ABTB2: variants seen among roughly 807,000 people sequenced by gnomAD.
The protein encoded by ABTB2 is ankyrin repeat and BTB domain containing 2, also known as ankyrin repeat and BTB/POZ domain-containing protein 2.
In ABTB2, 56 loss-of-function variants were observed where a neutral mutation model predicts 104.1. That is an observed-to-expected ratio of 0.54 (90% CI 0.43 to 0.67). The LOEUF (loss-of-function observed/expected upper bound fraction) is 0.67, where lower values mean the gene tolerates loss of function less well. Ranked by LOEUF, ABTB2 falls within the 30% of genes least tolerant of loss-of-function variation. ABTB2 has a pLI of 0.00. For synonymous variants in ABTB2, 606 were observed against 608.2 expected, an observed-to-expected ratio of 1.00 and a Z score of 0.05; for missense variants, 1,279 against 1,407.7, an observed-to-expected ratio of 0.91 and a Z score of 1.46.
intron 1 of ABTB2, among the ~76,000 whole-genome samples, chr11:34,261,914 G>T (rs1658222697): frequency 6.6e-6 from 1 of 152,148 alleles, no homozygotes; most frequent in African/African-American, 2.4e-5. Context: ...TGCAGCTTGT[G>T]GCTGCCAGCA....
intron 1 of ABTB2, among the ~76,000 whole-genome samples, chr11:34,219,900 G>A (rs540361956): frequency 3.0e-4 from 46 of 152,330 alleles, no homozygotes; most frequent in African/African-American, 9.6e-4. Context: ...CTGAAAAGAG[G>A]ACTTTTGCTA....
At chr11:34,212,924 G>C (rs886359903) in intron 1 of ABTB2, among the ~76,000 whole-genome samples, 2 of 152,162 alleles carry the variant, frequency 1.3e-5, no homozygotes, top group Non-Finnish European at 2.9e-5. Flanking sequence ...GAACCCAGGG[G>C]GAGATAAAAG....
chr11:34,260,697 T>C (rs1854178378), intron 1 of ABTB2, among the ~76,000 whole-genome samples: 1 of 152,206 alleles, frequency 6.6e-6, no homozygotes, highest in African/African-American at 2.4e-5. Context: ...ATCCAATCGG[T>C]ACCCCTCATT....
intron 1 of ABTB2, among the ~76,000 whole-genome samples, chr11:34,213,216 G>A (rs1308005106): frequency 1.3e-5 from 2 of 152,178 alleles, no homozygotes; most frequent in African/African-American, 2.4e-5. Context: ...AGTGGCTCAC[G>A]CCTGTAATCC....
chr11:34,340,318 C>T (rs552701244), intron 1 of ABTB2, among the ~76,000 whole-genome samples: 1 of 152,328 alleles, frequency 6.6e-6, no homozygotes, highest in Admixed American at 6.5e-5. Flanking sequence ...GTAGCTCATA[C>T]CTGGTGGCTG....
At chr11:34,164,131 G>GC (rs1554980065) in intron 9 of ABTB2, among the ~76,000 whole-genome samples, 2 of 149,736 alleles carry the variant, frequency 1.3e-5, no homozygotes, top group South Asian at 2.1e-4. Flanking sequence ...TTCCAGCCCC[G>GC]TTTCTGCCCT....
rs144799918 is a variant in ABTB2, at chr11:34,204,551, C to T, written c.1023G>A (p.Ser341=). ...SLLATCVGSI[S]ELSDLVSRAM... ...CACTGAGGCCACACTTACTCAGCTC[C>T]GAGATGCTGCCCACGCAGGTGGCCA... The change falls in exon 2 of 17, where the codon TCG becomes TCA. Residue 341 remains serine (S), a synonymous_variant. Coordinates refer to ENST00000435224, the MANE Select transcript of ABTB2 (RefSeq NM_145804.3). The T allele has an allele frequency of 2.4e-5, 38 of 1,609,172 alleles. No individual in the cohort carries two copies. The highest frequency in any genetic ancestry group is 1.3e-4 in the East Asian group (6 of 44,820).
rs766310209 is a variant in ABTB2 at position 34,197,369 on chromosome 11, C to T, written c.1200G>A (p.Glu400=). 8 of 1,613,828 alleles carry T rather than the reference C, an allele frequency of 5.0e-6. No individual in the cohort carries two copies. The highest frequency in any genetic ancestry group is 1.3e-5 in the African/African-American group (1 of 74,908). Residue 400 remains glutamate (E), a synonymous_variant, in exon 3 of 17, where the codon GAG becomes GAA. Transcript: ENST00000435224. ...TTCTCGGGGGGTCCAGGTTGGGGTT[C>T]TCCATGGACTCCATCTGTGGACACC... ...FLRCPQMESM[E]NPNLDPPRMT... is the part of the protein sequence containing the mutation.
chr11:34,300,296 C>T (rs961299938), intron 1 of ABTB2, among the ~76,000 whole-genome samples: 6 of 152,196 alleles, frequency 3.9e-5, no homozygotes, highest in Admixed American at 1.3e-4. Flanking sequence ...ATTTCCAAAG[C>T]CATGATCAGA....
intron 10 of ABTB2, among the ~76,000 whole-genome samples, chr11:34,162,291 G>A (rs1852731594): frequency 1.3e-5 from 2 of 152,238 alleles, no homozygotes; most frequent in Non-Finnish European, 2.9e-5. Context: ...TGGGGAGGGG[G>A]CAGCGAAGCT....
At chr11:34,163,701 C>T (rs1228151058) in intron 9 of ABTB2, among the ~76,000 whole-genome samples, 3 of 152,350 alleles carry the variant, frequency 2.0e-5, no homozygotes, top group Admixed American at 1.3e-4. Context: ...CAAGGTCCCT[C>T]CCAAGGGCTC....
intron 3 of ABTB2, among the ~76,000 whole-genome samples, chr11:34,195,084 GGA>G (rs57816793): frequency 0.022 from 2,025 of 91,578 alleles, 215 homozygotes; most frequent in African/African-American, 0.067. Context: ...GCGGGGGGGG[GGA>G]GTGGGGGCGG....
intron 1 of ABTB2, among the ~76,000 whole-genome samples, chr11:34,354,833 A>C (rs933250767): frequency 7.9e-5 from 12 of 152,158 alleles, no homozygotes; most frequent in Non-Finnish European, 1.2e-4. Flanking sequence ...TTCTCCTAGG[A>C]GCCTGCCTTT....
Position 34,357,627 on chromosome 11 carries a change from C to T in ABTB2, c.-44G>A, listed in dbSNP as rs1304843259. On this transcript the variant is annotated 5_prime_UTR_variant, in exon 1 of 17. The change creates a new upstream start codon in the 5' untranslated region. Transcript: ENST00000435224. Reference sequence around the variant, plus strand: ...GGCGTCGCCGAGCGAGGGGCACTCACAACTCCATGCCCTCTTTCCCAAGTG... The same window carrying T: ...GGCGTCGCCGAGCGAGGGGCACTCATAACTCCATGCCCTCTTTCCCAAGTG... 2.7e-6 allele frequency: 4 copies of T among 1,472,758 alleles called. 1 individual carries two copies. Among genetic ancestry groups the T allele is most frequent in the South Asian group, 2.7e-5 (2 of 74,846 alleles). The allele number at this position is 1,472,758 out of a possible 1,614,324, so 91.2% of individuals were successfully genotyped here.
intron 2 of ABTB2, 151 bp from the exon 3 acceptor site, chr11:34,197,689 G>A: frequency 1.6e-6 from 1 of 614,038 alleles, no homozygotes; most frequent in South Asian, 2.0e-5. Context: ...AACAGGCGGA[G>A]GTGGAAACTG....
At chr11:34,207,928 C>T (rs1194124306) in intron 1 of ABTB2, among the ~76,000 whole-genome samples, 2 of 152,220 alleles carry the variant, frequency 1.3e-5, no homozygotes, top group Non-Finnish European at 2.9e-5. Flanking sequence ...CATGGGTCTC[C>T]AGGCACCTCC....
At chr11:34,229,606 T>C (rs1853743410) in intron 1 of ABTB2, among the ~76,000 whole-genome samples, 2 of 152,034 alleles carry the variant, frequency 1.3e-5, no homozygotes, top group African/African-American at 4.8e-5. Context: ...GCACATAAAA[T>C]GGAAGCACAT....
intron 1 of ABTB2, among the ~76,000 whole-genome samples, chr11:34,353,153 C>T (rs778424300): frequency 6.6e-6 from 1 of 152,254 alleles, no homozygotes; most frequent in East Asian, 1.9e-4. Context: ...CATGTTACCA[C>T]TAGGATAGAG....
At chr11:34,318,238 G>A (rs543279225) in intron 1 of ABTB2, among the ~76,000 whole-genome samples, 2 of 152,230 alleles carry the variant, frequency 1.3e-5, no homozygotes, top group East Asian at 3.9e-4. Context: ...CAAAGTGCTG[G>A]GATTTATAGG....
Sources: allele counts gnomAD v4.1 joint callset (sites outside exome capture counted in the v4.1 genomes callset), GRCh38; gene constraint gnomAD v4.1.1; transcripts MANE v1.5; gene names NCBI Gene and HGNC (gene_info 2026-07-23, HGNC 2026-07-21).